The following CLVS1 variants were observed in gnomAD, a reference collection of about 807,000 sequenced individuals.
CLVS1 encodes clavesin 1, also known as clavesin-1.
CLVS1 carries 10 observed loss-of-function variants against 33.1 expected under a neutral mutation model. That is an observed-to-expected ratio of 0.30 (90% CI 0.19 to 0.51). The LOEUF (loss-of-function observed/expected upper bound fraction) is 0.51. CLVS1 is among the 20% of genes least tolerant of loss of function. The pLI is 0.97. For synonymous variants in CLVS1, 163 were observed against 166.1 expected, an observed-to-expected ratio of 0.98 and a Z score of 0.14; for missense variants, 343 against 433.4, an observed-to-expected ratio of 0.79 and a Z score of 1.85.
intron 1 of CLVS1, among the ~76,000 whole-genome samples, chr8:61,099,328 G>A (rs974602827): frequency 2.0e-5 from 3 of 152,070 alleles, no homozygotes; most frequent in Non-Finnish European, 4.4e-5. Flanking sequence ...TCTGGAGAGC[G>A]GCTGGAGAGG....
At chr8:61,021,453 C>A in the CLVS1 span, among the ~76,000 whole-genome samples, 1 of 152,210 alleles carries the variant, frequency 6.6e-6, no homozygotes, top group East Asian at 1.9e-4. Context: ...CGGGTTCAAG[C>A]GATTCCCTTG....
intron 1 of CLVS1, among the ~76,000 whole-genome samples, chr8:61,110,560 A>G (rs1805608159): frequency 6.6e-6 from 1 of 152,230 alleles, no homozygotes; most frequent in East Asian, 1.9e-4. Context: ...ATGCAACATA[A>G]AATGTACCAT....
At chr8:61,354,764 G>C (rs535848097) in intron 2 of CLVS1, among the ~76,000 whole-genome samples, 1 of 151,948 alleles carries the variant, frequency 6.6e-6, no homozygotes, top group African/African-American at 2.4e-5. Flanking sequence ...TAACATTTTC[G>C]AAATGACAAA....
rs1810682244 is a variant in CLVS1 at position 61,307,772 on chromosome 8, A to G, written c.455+7490A>G. On this transcript the variant is annotated intron_variant, in intron 2 of 5. Coordinates refer to ENST00000325897, the MANE Select transcript of CLVS1 (RefSeq NM_173519.3). ...GTTTAGTAGCAAATTCTGGGCTTTC[A>G]GTGTAACCACCCCTTGAATGGTGTA... 2.6e-5 allele frequency among the ~76,000 whole-genome samples: 4 copies of G among 152,118 alleles called. No homozygotes were observed. In the South Asian group the frequency reaches 8.3e-4, roughly 32 times the overall value.
intron 5 of CLVS1, among the ~76,000 whole-genome samples, chr8:61,490,279 C>T (rs576924020): frequency 8.7e-5 from 13 of 149,914 alleles, no homozygotes; most frequent in Admixed American, 2.7e-4. Flanking sequence ...GCCAAGATTG[C>T]GCCACTGCAC....
chr8:61,087,710 C>A (rs1007421649), intron 1 of CLVS1, among the ~76,000 whole-genome samples: 1 of 152,122 alleles, frequency 6.6e-6, no homozygotes, highest in Non-Finnish European at 1.5e-5. Context: ...AAGTCATGGG[C>A]CTGCCAGCAT....
chr8:61,057,809 A>T (rs981089301), intron 1 of CLVS1, among the ~76,000 whole-genome samples: 1 of 152,192 alleles, frequency 6.6e-6, no homozygotes, highest in African/African-American at 2.4e-5. Flanking sequence ...AGCCCTCTAG[A>T]GTTCTTTTAT....
chr8:61,262,675 A>G (rs540010938), intron 2 of CLVS1, among the ~76,000 whole-genome samples: 4 of 152,096 alleles, frequency 2.6e-5, no homozygotes, highest in Non-Finnish European at 5.9e-5. Context: ...GCTGACCAAC[A>G]CCCAGCTCAT....
At chr8:61,094,035 T>C (rs1805302901) in intron 1 of CLVS1, among the ~76,000 whole-genome samples, 1 of 152,218 alleles carries the variant, frequency 6.6e-6, no homozygotes, top group African/African-American at 2.4e-5. Flanking sequence ...TCCGTGAGCC[T>C]CGGGCTCACT....
intron 3 of CLVS1, among the ~76,000 whole-genome samples, chr8:61,431,427 C>CATCAATACTGT (rs1237710770): frequency 1.3e-5 from 2 of 152,180 alleles, no homozygotes; most frequent in Admixed American, 1.3e-4. Flanking sequence ...AACCCTTCAG[C>CATCAATACTGT]ATCAATACTG....
At chr8:61,191,262 C>G (rs948418236) in intron 2 of CLVS1, among the ~76,000 whole-genome samples, 20 of 152,090 alleles carry the variant, frequency 1.3e-4, no homozygotes, top group African/African-American at 4.6e-4. Context: ...TAAACAGAAC[C>G]AAAGACAAAA....
chr8:61,200,025 A>G (rs1299804982), intron 2 of CLVS1, among the ~76,000 whole-genome samples: 2 of 152,210 alleles, frequency 1.3e-5, no homozygotes, highest in Non-Finnish European at 2.9e-5. Flanking sequence ...TAAAGGAGGA[A>G]AAATATAAAC....
chr8:61,384,900 A>T (rs1473066171), intron 3 of CLVS1, among the ~76,000 whole-genome samples: 1 of 152,190 alleles, frequency 6.6e-6, no homozygotes, highest in South Asian at 2.1e-4. Flanking sequence ...GGAGATCGGG[A>T]CAGGAAGCTG....
intron 2 of CLVS1, among the ~76,000 whole-genome samples, chr8:61,311,537 C>A (rs944373091): frequency 6.6e-6 from 1 of 152,130 alleles, no homozygotes; most frequent in Non-Finnish European, 1.5e-5. Flanking sequence ...TACATCCCTG[C>A]GTGCCCGGGT....
the CLVS1 span, among the ~76,000 whole-genome samples, chr8:61,004,957 C>A: frequency 6.6e-5 from 10 of 152,062 alleles, no homozygotes; most frequent in African/African-American, 1.9e-4. Flanking sequence ...CAAAACAAGA[C>A]AAAACAAAAC....
At chr8:61,190,302 A>G (rs953991101) in intron 2 of CLVS1, among the ~76,000 whole-genome samples, 1 of 152,240 alleles carries the variant, frequency 6.6e-6, no homozygotes, top group Non-Finnish European at 1.5e-5. Context: ...GAAGGCAGAA[A>G]TAAAGATGTT....
intron 2 of CLVS1, among the ~76,000 whole-genome samples, chr8:61,319,108 C>T (rs1811109530): frequency 6.6e-6 from 1 of 152,002 alleles, no homozygotes; most frequent in African/African-American, 2.4e-5. Flanking sequence ...TGTAATTTCT[C>T]TACCTCTTTT....
intron 3 of CLVS1, among the ~76,000 whole-genome samples, chr8:61,397,409 T>A (rs954075839): frequency 6.6e-6 from 1 of 152,184 alleles, no homozygotes; most frequent in African/African-American, 2.4e-5. Flanking sequence ...TTTGGAGTTA[T>A]AAGAGAAACA....
intron 2 of CLVS1, among the ~76,000 whole-genome samples, chr8:61,334,076 C>T (rs1811696525): frequency 6.6e-6 from 1 of 152,098 alleles, no homozygotes; most frequent in Non-Finnish European, 1.5e-5. Context: ...GTATATGTAC[C>T]ACATTTTCTT....
Sources: gnomAD v4.1 joint callset for allele counts (sites outside exome capture counted in the v4.1 genomes callset) on GRCh38, gnomAD v4.1.1 for gene constraint, MANE v1.5 for transcripts, NCBI Gene and HGNC (gene_info 2026-07-23, HGNC 2026-07-21) for gene names.